ADK: variants seen among roughly 807,000 people sequenced by gnomAD.
ADK encodes the protein adenosine kinase, also known as N6,N6-dimethyladenosine kinase.
In ADK, 24 loss-of-function variants were observed where a neutral mutation model predicts 44.7. The ratio of observed to expected loss-of-function variants is 0.54; its 90% confidence interval spans 0.39 to 0.76. ADK has a LOEUF of 0.76. Among genes scored for constraint, ADK ranks in the 30% least tolerant of loss-of-function variants. The probability of loss-of-function intolerance (pLI) is 0.00; values close to 1 mark genes in which losing one functional copy is unlikely to be tolerated. For missense variants in ADK, 321 were observed against 425.1 expected, an observed-to-expected ratio of 0.76 and a Z score of 2.15; for synonymous variants, 128 against 142.6, an observed-to-expected ratio of 0.90 and a Z score of 0.73.
chr10:74,309,837 G>A (rs1245505291), intron 3 of ADK, among the ~76,000 whole-genome samples: 2 of 151,922 alleles, frequency 1.3e-5, no homozygotes, highest in Non-Finnish European at 2.9e-5. Context: ...TTAGTATAAG[G>A]ACATCCCGTA....
chr10:74,366,617 A>T (rs566113115), intron 4 of ADK, among the ~76,000 whole-genome samples: 17 of 152,308 alleles, frequency 1.1e-4, no homozygotes, highest in African/African-American at 3.8e-4. Flanking sequence ...CCAAAAAAAA[A>T]TTATAAATCT....
Position 74,709,115 on chromosome 10 carries a change from A to G in ADK, c.*670A>G, listed in dbSNP as rs935819535. 3 of 152,388 alleles carry G rather than the reference A, an allele frequency of 2.0e-5. No homozygotes were observed. Among genetic ancestry groups the G allele is most frequent in the Non-Finnish European group, 4.4e-5 (3 of 68,176 alleles). The allele number at this position is 152,388 out of a possible 1,614,324, so 9.4% of individuals were successfully genotyped here. A position where few individuals can be genotyped will look rare whatever the true frequency, so the allele number is the denominator to read the frequency against. On this transcript the variant is annotated 3_prime_UTR_variant, in exon 11 of 11. Transcript: ENST00000539909. Reference sequence around the variant, plus strand: ...GGACACAAACAAAAACTTGTCATATAGGAATTTTTTTCTGTCTTTTCCCTG... The same window carrying G: ...GGACACAAACAAAAACTTGTCATATGGGAATTTTTTTCTGTCTTTTCCCTG...
intron 7 of ADK, among the ~76,000 whole-genome samples, chr10:74,539,094 G>A (rs1001699602): frequency 6.6e-6 from 1 of 152,072 alleles, no homozygotes; most frequent in Non-Finnish European, 1.5e-5. Flanking sequence ...TGGAGCACAT[G>A]TTTGGGAGGA....
intron 6 of ADK, among the ~76,000 whole-genome samples, chr10:74,413,117 T>C (rs1408554299): frequency 6.6e-6 from 1 of 152,090 alleles, no homozygotes; most frequent in Non-Finnish European, 1.5e-5. Context: ...CAGGCTTTGT[T>C]ATTTCATTTA....
At chr10:74,402,163 G>T (rs1404718314) in intron 6 of ADK, among the ~76,000 whole-genome samples, 2 of 152,112 alleles carry the variant, frequency 1.3e-5, no homozygotes, top group Non-Finnish European at 2.9e-5. Flanking sequence ...CTCTCTGGCT[G>T]CCCTTAACAT....
intron 9 of ADK, among the ~76,000 whole-genome samples, chr10:74,640,376 G>A (rs1158854274): frequency 1.3e-5 from 2 of 152,206 alleles, no homozygotes; most frequent in Admixed American, 6.5e-5. Context: ...TAAGAGACTC[G>A]GCAGGACTCT....
chr10:74,303,588 G>GTTTTTTTTTTTTGT (rs1840141891), intron 3 of ADK, among the ~76,000 whole-genome samples: 1 of 68,576 alleles, frequency 1.5e-5, no homozygotes, highest in African/African-American at 7.9e-5. Context: ...TTTTAATGTT[G>GTTTTTTTTTTTTGT]TTTTTTTTTT....
At chr10:74,672,725 A>G (rs1349556282) in intron 10 of ADK, among the ~76,000 whole-genome samples, 1 of 152,240 alleles carries the variant, frequency 6.6e-6, no homozygotes, top group Non-Finnish European at 1.5e-5. Flanking sequence ...TAATAGCAAT[A>G]GATAACTTTT....
In ADK at chr10:74,244,232, G is replaced by A. The variant is rs375257722; in HGVS notation, c.194+19641G>A. Among the ~76,000 whole-genome samples the A allele has an allele frequency of 3.5e-3, 528 of 152,258 alleles. 6 individuals carry two copies. The highest frequency in any genetic ancestry group is 0.012 in the African/African-American group (491 of 41,554). Reference sequence around the variant, plus strand: ...AGTTTTTTCAAAGAAGTATTCATAAGGTAAATTTAGAAAATTATTTTAAAA... The same window carrying A: ...AGTTTTTTCAAAGAAGTATTCATAAAGTAAATTTAGAAAATTATTTTAAAA... On this transcript the variant is annotated intron_variant, in intron 3 of 10. Coordinates refer to ENST00000539909, the MANE Select transcript of ADK (RefSeq NM_006721.4).
intron 3 of ADK, among the ~76,000 whole-genome samples, chr10:74,234,788 TG>T (rs1329227212): frequency 2.0e-5 from 3 of 152,194 alleles, no homozygotes; most frequent in Admixed American, 6.5e-5. Flanking sequence ...TCAATAAGAT[TG>T]CAACTGGACT....
intron 4 of ADK, among the ~76,000 whole-genome samples, chr10:74,361,320 CTTCTT>C (rs1353588014): frequency 6.6e-6 from 1 of 152,142 alleles, no homozygotes; most frequent in Non-Finnish European, 1.5e-5. Context: ...TTTTCTTCTG[CTTCTT>C]TTCTTACTGT....
intron 3 of ADK, among the ~76,000 whole-genome samples, chr10:74,274,752 A>ATATATATATATATATATATATATATATG (rs1846602951): frequency 1.0e-5 from 1 of 97,154 alleles, no homozygotes; most frequent in Non-Finnish European, 2.4e-5. Context: ...ATATATACAC[A>ATATATATATATATATATATATATATATG]CACACATTAT....
intron 6 of ADK, among the ~76,000 whole-genome samples, chr10:74,435,899 G>A (rs1845164643): frequency 6.6e-6 from 1 of 152,074 alleles, no homozygotes; most frequent in Non-Finnish European, 1.5e-5. Flanking sequence ...GCCTTACCAA[G>A]AAATACTAAA....
rs78303314 is a variant in ADK at position 74,705,583 on chromosome 10, A to T, written c.965-2738A>T. Among the ~76,000 whole-genome samples the T allele has an allele frequency of 8.1e-3, 1,234 of 152,274 alleles. 20 individuals are homozygous for T. Among genetic ancestry groups the T allele is most frequent in the African/African-American group, 0.028 (1,152 of 41,542 alleles). On this transcript the variant is annotated intron_variant, in intron 10 of 10. Coordinates refer to ENST00000539909, the MANE Select transcript of ADK (RefSeq NM_006721.4). ...TTGTTTCCAGTTTGGGGCTATTACA[A>T]ATAAAGCTGCTGTGAACATTCATTT...
At chr10:74,533,125 C>G (rs11001061) in intron 7 of ADK, among the ~76,000 whole-genome samples, 7,022 of 152,034 alleles carry the variant, frequency 0.046, 560 homozygotes, top group African/African-American at 0.16. Flanking sequence ...ATACACTGAA[C>G]ACTACAAAAC....
At chr10:74,505,697 T>A (rs1008621773) in intron 6 of ADK, among the ~76,000 whole-genome samples, 9 of 152,294 alleles carry the variant, frequency 5.9e-5, no homozygotes, top group Non-Finnish European at 7.4e-5. Flanking sequence ...TTTCCATGAT[T>A]TGATTCTTTC....
intron 4 of ADK, among the ~76,000 whole-genome samples, chr10:74,384,354 A>G (rs1843072539): frequency 6.6e-6 from 1 of 152,164 alleles, no homozygotes; most frequent in Non-Finnish European, 1.5e-5. Context: ...GGAATGATAC[A>G]GTTTGTTGCG....
Position 74,691,119 on chromosome 10 carries a change from C to T in ADK, c.965-17202C>T, listed in dbSNP as rs141427015. 4.6e-4 allele frequency among the ~76,000 whole-genome samples: 70 copies of T among 152,264 alleles called. 2 individuals are homozygous for T. The highest frequency in any genetic ancestry group is 1.5e-3 in the African/African-American group (62 of 41,542). ...TCGTGTACACTGTGGCAGCATATAT[C>T]TGGTAATCATTGGTATAGGAGGTAA... is the stretch of plus-strand genomic sequence containing the variant. On this transcript the variant is annotated intron_variant, in intron 10 of 10. Coordinates refer to ENST00000539909, the MANE Select transcript of ADK (RefSeq NM_006721.4).
chr10:74,392,505 A>AT (rs1203670819), intron 4 of ADK, among the ~76,000 whole-genome samples: 5 of 151,912 alleles, frequency 3.3e-5, no homozygotes, highest in Non-Finnish European at 7.4e-5. Context: ...AGATCATGTT[A>AT]TTTGTATTTT....
Sources: gnomAD v4.1 joint callset for allele counts (sites outside exome capture counted in the v4.1 genomes callset) on GRCh38, gnomAD v4.1.1 for gene constraint, MANE v1.5 for transcripts, NCBI Gene and HGNC (gene_info 2026-07-23, HGNC 2026-07-21) for gene names.